ATR: variants seen among roughly 807,000 people sequenced by gnomAD.
ATR encodes ATR checkpoint kinase.
A neutral mutation model predicts 305.3 loss-of-function variants in ATR; 142 were observed. That is an observed-to-expected ratio of 0.47 (90% CI 0.41 to 0.53). The LOEUF (loss-of-function observed/expected upper bound fraction) is 0.53. Among genes scored for constraint, ATR ranks in the 20% least tolerant of loss-of-function variants. ATR has a pLI of 0.00. For missense variants in ATR, 2,135 were observed against 3,133.1 expected (o/e 0.68, Z 7.60); for synonymous variants, 1,050 against 1,068.1 (o/e 0.98, Z 0.33).
At chr3:142,484,504 C>A (rs548702872) in intron 36 of ATR, among the ~76,000 whole-genome samples, 6 of 152,276 alleles carry the variant, frequency 3.9e-5, no homozygotes, top group African/African-American at 1.4e-4. Flanking sequence ...CCCCTCCAGA[C>A]CTCACCCTAC....
At position 142,493,556 on chromosome 3, in the gene ATR, A is replaced by G. The variant is rs146043525; in HGVS notation, c.5899-245T>C. 7.9e-4 allele frequency among the ~76,000 whole-genome samples: 121 copies of G among 152,330 alleles called. 1 individual carries two copies. Among genetic ancestry groups the G allele is most frequent in the African/African-American group, 2.8e-3 (115 of 41,578 alleles). Reference sequence around the variant, plus strand: ...CCACAGGTTCCACATCAATGGATTCAACCAACAGTGGATAGAAAATATTAG... The same window carrying G: ...CCACAGGTTCCACATCAATGGATTCGACCAACAGTGGATAGAAAATATTAG... On this transcript the variant is annotated intron_variant, in intron 34 of 46. Transcript: ENST00000350721.
chr3:142,569,640 ATTTTTTTTGTTTTTTGG>A (rs1256865296), intron 1 of ATR, among the ~76,000 whole-genome samples: 4 of 146,964 alleles, frequency 2.7e-5, no homozygotes, highest in Non-Finnish European at 6.0e-5. Flanking sequence ...TTTTTGTGGG[ATTTTTTTTGTTTTTTGG>A]TTTTTTTTGA....
intron 36 of ATR, among the ~76,000 whole-genome samples, chr3:142,475,128 T>C (rs979904750): frequency 8.5e-5 from 13 of 152,220 alleles, no homozygotes; most frequent in African/African-American, 3.1e-4. Context: ...CTTTAAGTTA[T>C]AGAGTACATG....
chr3:142,462,536 T>G (rs2108267086), intron 41 of ATR, among the ~76,000 whole-genome samples: 1 of 151,992 alleles, frequency 6.6e-6, no homozygotes, highest in Non-Finnish European at 1.5e-5. Context: ...TGGCTCAATC[T>G]CGGCTCACTG....
chr3:142,558,549 AATAAATAAATAGATAGATAG>A, intron 8 of ATR, 55 bp downstream of exon 8: 2 of 1,083,480 alleles, frequency 1.8e-6, no homozygotes, highest in African/African-American at 3.4e-5. Context: ...TAAATAAATA[AATAAATAAATAGATAGATAG>A]ATAGATAGAT....
chr3:142,530,674 T>C (rs943851677), intron 21 of ATR, among the ~76,000 whole-genome samples: 16 of 152,186 alleles, frequency 1.1e-4, no homozygotes, highest in Non-Finnish European at 2.2e-4. Flanking sequence ...TCTCTGATTT[T>C]GTACATTTCT....
At chr3:142,503,881 T>C (rs1177774490) in intron 29 of ATR, among the ~76,000 whole-genome samples, 4 of 152,224 alleles carry the variant, frequency 2.6e-5, no homozygotes, top group Non-Finnish European at 5.9e-5. Flanking sequence ...TCACATCCAA[T>C]ATAAAAAGTA....
chr3:142,559,002 A>T, intron 7 of ATR: 1 of 619,874 alleles, frequency 1.6e-6, no homozygotes, highest in Non-Finnish European at 2.7e-6. Context: ...GAATCACGGC[A>T]TTCCTCAAAC....
In ATR at chr3:142,549,689, A is replaced by C; in HGVS notation, c.2977-16T>G. On this transcript the variant is annotated splice_polypyrimidine_tract_variant and intron_variant, in intron 14 of 46. Coordinates refer to ENST00000350721, the MANE Select transcript of ATR (RefSeq NM_001184.4). ...GTAATGTCCTCTGAAAAAGAATGCAACAATTACCAAAAAGTACATTTGTCT... is the reference window on the plus strand; with the variant it reads ...GTAATGTCCTCTGAAAAAGAATGCACCAATTACCAAAAAGTACATTTGTCT... The C allele has an allele frequency of 6.2e-7, 1 of 1,610,698 alleles. No individual in the cohort carries two copies. Among genetic ancestry groups the C allele is most frequent in the Non-Finnish European group, 8.5e-7 (1 of 1,177,726 alleles).
chr3:142,482,658 C>T lies in ATR; in HGVS notation c.6221+2482G>A, dbSNP rs561940864. On this transcript the variant is annotated intron_variant, in intron 36 of 46. Coordinates refer to ENST00000350721, the MANE Select transcript of ATR (RefSeq NM_001184.4). ...ATCAGCCTGAGCAACATAGTGAGAC[C>T]CTGTCTCTACAAAAAATTATTTAAA... 5.3e-5 allele frequency among the ~76,000 whole-genome samples: 8 copies of T among 151,972 alleles called. No individual in the cohort carries two copies. In the South Asian group the frequency reaches 1.7e-3, roughly 32 times the overall value.
At chr3:142,466,706 A>G (rs1204058163) in intron 39 of ATR, among the ~76,000 whole-genome samples, 173 bp from the exon 40 acceptor site, 1 of 152,134 alleles carries the variant, frequency 6.6e-6, no homozygotes. Context: ...AATAGTACCT[A>G]CATCATAGGA....
chr3:142,476,198 G>T (rs553496088), intron 36 of ATR, among the ~76,000 whole-genome samples: 1 of 152,112 alleles, frequency 6.6e-6, no homozygotes, highest in South Asian at 2.1e-4. Flanking sequence ...GTATTGCCTA[G>T]GTTTTCTTCT....
At chr3:142,509,671 T>G (rs1209309354) in intron 27 of ATR, among the ~76,000 whole-genome samples, 3 of 148,378 alleles carry the variant, frequency 2.0e-5, no homozygotes, top group Non-Finnish European at 4.5e-5. Flanking sequence ...ATCCCCACAC[T>G]TCAGCCTTGT....
intron 34 of ATR, among the ~76,000 whole-genome samples, 188 bp from the exon 35 acceptor site, chr3:142,493,499 T>C (rs749068620): frequency 1.5e-4 from 23 of 152,350 alleles, no homozygotes; most frequent in Admixed American, 2.6e-4. Flanking sequence ...CATTTACTAA[T>C]TAATTTTATA....
chr3:142,456,076 G>A (rs1299607912), intron 45 of ATR, among the ~76,000 whole-genome samples: 1 of 152,194 alleles, frequency 6.6e-6, no homozygotes, highest in Non-Finnish European at 1.5e-5. Context: ...AGCACTTTGG[G>A]AGGCTGAGGA....
At position 142,562,834 on chromosome 3, in the gene ATR, G is replaced by A. The variant is rs1331338940; in HGVS notation, c.568C>T (p.Gln190Ter). 1.9e-6 allele frequency: 3 copies of A among 1,607,656 alleles called. No homozygotes were observed. The highest frequency in any genetic ancestry group is 2.5e-6 in the Non-Finnish European group (3 of 1,177,714). ...SQLDEHMGYL[Q>*]SAPLQLMSMQ... ...CTCATCAACTGCAAAGGAGCTGATT[G>A]TAAATATCCCATGTGTTCATCTAAT... The change falls in exon 4 of 47, where the codon CAA (glutamine) becomes TAA (stop). Residue 190 changes from glutamine to a stop codon, truncating the protein, a stop_gained. Coordinates refer to ENST00000350721, the MANE Select transcript of ATR (RefSeq NM_001184.4). LOFTEE classifies it high-confidence loss of function.
intron 26 of ATR, 102 bp from the exon 27 acceptor site, chr3:142,512,572 A>G: frequency 9.9e-7 from 1 of 1,009,036 alleles, no homozygotes. Flanking sequence ...TTTTCAAAAG[A>G]AAAAACACAA....
intron 36 of ATR, among the ~76,000 whole-genome samples, chr3:142,478,465 T>C (rs2030096254): frequency 6.6e-6 from 1 of 152,222 alleles, no homozygotes; most frequent in Admixed American, 6.5e-5. Flanking sequence ...CAGTTTGTTA[T>C]AATTTCTGTT....
chr3:142,538,628 A>G lies in ATR; in HGVS notation c.3582-3T>C, dbSNP rs371344698. The G allele has an allele frequency of 1.7e-5, 28 of 1,613,254 alleles. No homozygotes were observed. The African/African-American group carries it at 3.2e-4, about 18-fold the overall frequency. ...AGCGAACAAAGCAGTCCCAAGCTCT[A>G]TGTGAAAAAACAAATAGAAATGAAG... On this transcript the variant is annotated splice_polypyrimidine_tract_variant and splice_region_variant and intron_variant, in intron 18 of 46. Transcript: ENST00000350721.
Sources: allele counts gnomAD v4.1 joint callset (sites outside exome capture counted in the v4.1 genomes callset), GRCh38; gene constraint gnomAD v4.1.1; transcripts MANE v1.5; gene names NCBI Gene and HGNC (gene_info 2026-07-23, HGNC 2026-07-21).